RPRD2: variants seen among roughly 807,000 people sequenced by gnomAD.
RPRD2 encodes regulation of nuclear pre-mRNA domain containing 2, also known as regulation of nuclear pre-mRNA domain-containing protein 2.
RPRD2 carries 12 observed loss-of-function variants against 104.4 expected under a neutral mutation model. That is an observed-to-expected ratio of 0.11 (90% CI 0.07 to 0.19). The LOEUF is 0.19. RPRD2 is among the 10% of genes least tolerant of loss of function. The pLI is 1.00. For missense variants in RPRD2, 1,543 were observed against 1,790.1 expected, an observed-to-expected ratio of 0.86 and a Z score of 2.49; for synonymous variants, 714 against 684.9, an observed-to-expected ratio of 1.04 and a Z score of -0.66.
At chr1:150,413,825 T>A (rs1488230462) in intron 1 of RPRD2, among the ~76,000 whole-genome samples, 1 of 151,176 alleles carries the variant, frequency 6.6e-6, no homozygotes, top group Non-Finnish European at 1.5e-5. Context: ...CTCGGGAGGC[T>A]GAGGCAGGAG....
rs1203881411 is a variant in RPRD2, at chr1:150,438,012, C to T, written c.336-2911C>T. On this transcript the variant is annotated intron_variant, in intron 2 of 10. Coordinates refer to ENST00000369068, the MANE Select transcript of RPRD2 (RefSeq NM_015203.5). The stretch of plus-strand genomic sequence containing the variant: ...AAAAAAAAAAAGTTGAGCCAGGAAC[C>T]GTGGCTCACGCCTGTAACCCCAGCA... 5.4e-5 allele frequency among the ~76,000 whole-genome samples: 8 copies of T among 148,176 alleles called. No homozygotes were observed. In the East Asian group the frequency reaches 5.9e-4, roughly 11 times the overall value.
intron 1 of RPRD2, among the ~76,000 whole-genome samples, chr1:150,398,829 C>G (rs1174031828): frequency 6.6e-6 from 1 of 151,996 alleles, no homozygotes; most frequent in Non-Finnish European, 1.5e-5. Flanking sequence ...AGGCATGAGA[C>G]ACCACACCCG....
intron 1 of RPRD2, among the ~76,000 whole-genome samples, chr1:150,401,612 G>C (rs1177982858): frequency 6.6e-6 from 1 of 151,882 alleles, no homozygotes; most frequent in African/African-American, 2.4e-5. Flanking sequence ...CAACATGCTA[G>C]GATTACCCCT....
At chr1:150,421,114 A>G (rs2102287807) in intron 2 of RPRD2, among the ~76,000 whole-genome samples, 1 of 152,336 alleles carries the variant, frequency 6.6e-6, no homozygotes, top group East Asian at 1.9e-4. Context: ...ATAATTTGCC[A>G]GCCCTTAGCC....
chr1:150,408,583 T>C (rs587608368), intron 1 of RPRD2, among the ~76,000 whole-genome samples: 21 of 152,142 alleles, frequency 1.4e-4, no homozygotes, highest in African/African-American at 4.8e-4. Flanking sequence ...TTATCATCCA[T>C]ATAATATGGA....
At chr1:150,372,790 G>A (rs1660413589) in intron 1 of RPRD2, among the ~76,000 whole-genome samples, 1 of 152,104 alleles carries the variant, frequency 6.6e-6, no homozygotes, top group Admixed American at 6.6e-5. Flanking sequence ...AAAGTCCTGA[G>A]GTTAGAGTGT....
intron 1 of RPRD2, among the ~76,000 whole-genome samples, chr1:150,371,036 A>T (rs1336878518): frequency 6.6e-6 from 1 of 152,132 alleles, no homozygotes; most frequent in Admixed American, 6.6e-5. Flanking sequence ...GTAAATCTCA[A>T]TGCAAGCTGG....
In RPRD2 at chr1:150,411,788, CAAAAAAAAAAAAAAAAA is replaced by C. The variant is rs71086508; in HGVS notation, c.206-5796_206-5780del. Among the ~76,000 whole-genome samples the C allele has an allele frequency of 4.2e-5, 3 of 70,726 alleles. No homozygotes were observed. The East Asian group carries it at 1.5e-3, about 35-fold the overall frequency. The allele number at this position is 70,726 out of a possible 152,430, so 46.4% of individuals were successfully genotyped here. ...CCTGGACGACAGAGCTAGACTGTCT[CAAAAAAAAAAAAAAAAA>C]AAAAAAAAAAACGAAACAAACAAAA... On this transcript the variant is annotated intron_variant, in intron 1 of 10. Coordinates refer to ENST00000369068, the MANE Select transcript of RPRD2 (RefSeq NM_015203.5).
intron 1 of RPRD2, among the ~76,000 whole-genome samples, chr1:150,373,313 A>C (rs1169661967): frequency 6.6e-6 from 1 of 151,624 alleles, no homozygotes; most frequent in Non-Finnish European, 1.5e-5. Flanking sequence ...CACGCCTGGC[A>C]CTCGTTTGTT....
At chr1:150,414,637 G>A (rs1255463578) in intron 1 of RPRD2, among the ~76,000 whole-genome samples, 6 of 149,170 alleles carry the variant, frequency 4.0e-5, no homozygotes, top group African/African-American at 1.2e-4. Context: ...ATTATTCTGC[G>A]CGCCAAAGCT....
chr1:150,373,036 C>A (rs1285926444), intron 1 of RPRD2, among the ~76,000 whole-genome samples: 1 of 149,580 alleles, frequency 6.7e-6, no homozygotes, highest in Middle Eastern at 3.4e-3. Context: ...TTTTTTGAGA[C>A]GGAATTTTGC....
intron 1 of RPRD2, among the ~76,000 whole-genome samples, chr1:150,382,449 C>A (rs1661206830): frequency 6.6e-6 from 1 of 151,740 alleles, no homozygotes; most frequent in Non-Finnish European, 1.5e-5. Flanking sequence ...CAATGGCGAT[C>A]TCGGCTCTGC....
rs751338885 is a variant in RPRD2, at chr1:150,472,047, C to T, written c.3099C>T (p.Gly1033=). Residue 1033 remains glycine (G), a synonymous_variant, in exon 11 of 11, where the codon GGC becomes GGT. Transcript: ENST00000369068. ...DKHFGQAPSK[G]TPSDGVSLSN... ...ATTTTGGCCAGGCTCCCAGCAAGGG[C>T]ACTCCAAGTGATGGTGTCAGTCTCT... 33 of 1,613,728 alleles carry T rather than the reference C, an allele frequency of 2.0e-5. No individual in the cohort carries two copies. Among genetic ancestry groups the T allele is most frequent in the South Asian group, 1.6e-4 (15 of 91,094 alleles).
At position 150,475,716 on chromosome 1, in the gene RPRD2, G is replaced by A. The variant is rs1296151928; in HGVS notation, c.*2382G>A. ...CATCAGTAAATGAAGATGACAGTGT[G>A]TATATATGTGATAAATAGTGAAACA... On this transcript the variant is annotated 3_prime_UTR_variant, in exon 11 of 11. Coordinates refer to ENST00000369068, the MANE Select transcript of RPRD2 (RefSeq NM_015203.5). 6.6e-6 allele frequency: 1 copy of A among 152,582 alleles called. No individual in the cohort carries two copies. Among genetic ancestry groups the A allele is most frequent in the Non-Finnish European group, 1.5e-5 (1 of 68,036 alleles). 9.5% of individuals were successfully genotyped at this position (152,582 alleles called of 1,614,324 possible). A position where few individuals can be genotyped will look rare whatever the true frequency, so the allele number is the denominator to read the frequency against.
chr1:150,422,419 A>G (rs1572441824), intron 2 of RPRD2, among the ~76,000 whole-genome samples: 1 of 151,348 alleles, frequency 6.6e-6, no homozygotes, highest in Admixed American at 6.6e-5. Flanking sequence ...ACTACTATAC[A>G]CTGATTCCTT....
At chr1:150,389,022 C>A (rs1366248856) in intron 1 of RPRD2, among the ~76,000 whole-genome samples, 1 of 151,792 alleles carries the variant, frequency 6.6e-6, no homozygotes, top group African/African-American at 2.4e-5. Context: ...TAGATTTTGA[C>A]AGTTTTGTTT....
At position 150,473,383 on chromosome 1, in the gene RPRD2, TAGG is replaced by T. The variant is rs766209438; in HGVS notation, c.*52_*54del. On this transcript the variant is annotated 3_prime_UTR_variant, in exon 11 of 11. Coordinates refer to ENST00000369068, the MANE Select transcript of RPRD2 (RefSeq NM_015203.5). ...TGAACAGTCTAGAGAACATTGGAAG[TAGG>T]AGTTTGGTTTATTGTTGTTGTTTTT... 1.3e-5 allele frequency: 19 copies of T among 1,494,162 alleles called. No homozygotes were observed. The highest frequency in any genetic ancestry group is 1.6e-5 in the Non-Finnish European group (18 of 1,117,892). The allele number at this position is 1,494,162 out of a possible 1,614,324, so 92.6% of individuals were successfully genotyped here.
Position 150,472,248 on chromosome 1 carries a change from G to A in RPRD2, c.3300G>A (p.Gly1100=). The A allele has an allele frequency of 6.2e-7, 1 of 1,613,924 alleles. No homozygotes were observed. The highest frequency in any genetic ancestry group is 1.1e-5 in the South Asian group (1 of 91,072). The change falls in exon 11 of 11, where the codon GGG becomes GGA. Residue 1100 remains glycine (G), a synonymous_variant. Transcript: ENST00000369068. ...GTGCATCCAATAGGAGGATGTCAGGGGAGCCGATCCAGACCGTAGAGTCCA... is the reference window on the plus strand; with the variant it reads ...GTGCATCCAATAGGAGGATGTCAGGAGAGCCGATCCAGACCGTAGAGTCCA... The part of the protein sequence containing the change: ...YHSASNRRMS[G]EPIQTVESIR...
At chr1:150,470,488 G>C (rs900535246) in intron 10 of RPRD2, 73 bp from the exon 11 acceptor site, 2 of 1,449,250 alleles carry the variant, frequency 1.4e-6, no homozygotes, top group Non-Finnish European at 1.9e-6. Flanking sequence ...GAGAGTATCT[G>C]ATTAGCCTAC....
Sources: gnomAD v4.1 joint callset for allele counts (sites outside exome capture counted in the v4.1 genomes callset) on GRCh38, gnomAD v4.1.1 for gene constraint, MANE v1.5 for transcripts, NCBI Gene and HGNC (gene_info 2026-07-23, HGNC 2026-07-21) for gene names.